The following HEG1 variants were observed in gnomAD, a reference collection of about 807,000 sequenced individuals.
HEG1 encodes the protein protein HEG homolog 1.
HEG1 carries 56 observed loss-of-function variants against 125.6 expected under a neutral mutation model. The ratio of observed to expected loss-of-function variants is 0.45; its 90% CI spans 0.36 to 0.56. The LOEUF (loss-of-function observed/expected upper bound fraction) is 0.56, where lower values mean the gene tolerates loss of function less well. Among genes scored for constraint, HEG1 ranks in the 20% least tolerant of loss-of-function variants. HEG1 has a pLI of 0.00. For synonymous variants in HEG1, 644 were observed against 668.5 expected, an observed-to-expected ratio of 0.96 and a Z score of 0.57; for missense variants, 1,523 against 1,670.0, an observed-to-expected ratio of 0.91 and a Z score of 1.53.
At chr3:125,002,106 C>G (rs1273251085) in intron 10 of HEG1, 94 bp from the exon 11 acceptor site, 1 of 1,539,308 alleles carries the variant, frequency 6.5e-7, no homozygotes, top group South Asian at 1.1e-5. Flanking sequence ...TCACCAGTGA[C>G]GGGATGGGAG....
intron 14 of HEG1, among the ~76,000 whole-genome samples, chr3:124,986,056 G>T (rs1173661887): frequency 6.6e-6 from 1 of 152,230 alleles, no homozygotes; most frequent in Non-Finnish European, 1.5e-5. Context: ...GGGATTACAG[G>T]CGTGAGCCAC....
chr3:124,976,958 T>C (rs145364535), intron 15 of HEG1, among the ~76,000 whole-genome samples: 4 of 152,300 alleles, frequency 2.6e-5, no homozygotes, highest in Admixed American at 2.6e-4. Flanking sequence ...CCCATTGATA[T>C]GGTTCGGCTA....
chr3:124,984,962 G>C (rs1029510383), intron 14 of HEG1, among the ~76,000 whole-genome samples: 1 of 152,294 alleles, frequency 6.6e-6, no homozygotes, highest in Non-Finnish European at 1.5e-5. Context: ...TTACGTAAGT[G>C]AAAACATTCC....
At chr3:124,983,123 C>T (rs778376863) in intron 14 of HEG1, among the ~76,000 whole-genome samples, 9 of 152,200 alleles carry the variant, frequency 5.9e-5, no homozygotes, top group Non-Finnish European at 1.2e-4. Context: ...ACTCCTGATG[C>T]CAGGATTCTT....
intron 1 of HEG1, among the ~76,000 whole-genome samples, chr3:125,034,432 AT>A (rs1183227636): frequency 1.8e-5 from 2 of 112,692 alleles, no homozygotes; most frequent in African/African-American, 6.0e-5. Flanking sequence ...AATTCTAGAA[AT>A]AAAAAAAGTA....
At chr3:124,990,715 G>A in intron 14 of HEG1, 72 bp downstream of exon 14, 1 of 1,398,232 alleles carries the variant, frequency 7.2e-7, no homozygotes, top group Non-Finnish European at 9.9e-7. Flanking sequence ...AGTGGGAGGA[G>A]ACTGACACCT....
At chr3:124,994,643 C>T (rs1936889351) in intron 12 of HEG1, among the ~76,000 whole-genome samples, 1 of 151,918 alleles carries the variant, frequency 6.6e-6, no homozygotes, top group African/African-American at 2.4e-5. Context: ...GTAGCTGGGA[C>T]TACAGGCATG....
chr3:124,981,946 A>G (rs62267132), intron 14 of HEG1, among the ~76,000 whole-genome samples: 36,466 of 151,558 alleles, frequency 0.24, 4,512 homozygotes, highest in East Asian at 0.36. Flanking sequence ...GGAGTCGCCC[A>G]GGCTGGAGTG....
At chr3:124,983,625 G>A (rs999556243) in intron 14 of HEG1, among the ~76,000 whole-genome samples, 8 of 151,720 alleles carry the variant, frequency 5.3e-5, no homozygotes, top group East Asian at 1.9e-4. Flanking sequence ...GTGAGCCACC[G>A]CACTCAGACA....
chr3:125,003,857 C>T (rs1479613704), intron 9 of HEG1, among the ~76,000 whole-genome samples: 1 of 152,240 alleles, frequency 6.6e-6, no homozygotes, highest in Non-Finnish European at 1.5e-5. Flanking sequence ...GCATCTCTTT[C>T]CTTGGCTGAT....
At chr3:125,022,870 T>A (rs1477016641) in intron 3 of HEG1, among the ~76,000 whole-genome samples, 1 of 152,172 alleles carries the variant, frequency 6.6e-6, no homozygotes, top group African/African-American at 2.4e-5. Flanking sequence ...GGATACTGCA[T>A]TAATTTCATC....
rs185344888 is a variant in HEG1 at position 124,965,849 on chromosome 3, T to C, written c.*4803A>G. ...CTGAATAATTAGTGGAGGTTGCAAT[T>C]ATAATACAACTTTAAATAACATTCT... On this transcript the variant is annotated 3_prime_UTR_variant, in exon 17 of 17. Coordinates refer to ENST00000311127, the MANE Select transcript of HEG1 (RefSeq NM_020733.2). 2.6e-5 allele frequency: 4 copies of C among 152,326 alleles called. No homozygotes were observed. Among genetic ancestry groups the C allele is most frequent in the African/African-American group, 9.6e-5 (4 of 41,576 alleles). The allele number at this position is 152,326 out of a possible 1,614,324, so 9.4% of individuals were successfully genotyped here.
intron 1 of HEG1, among the ~76,000 whole-genome samples, chr3:125,051,159 C>G (rs1307800535): frequency 6.6e-6 from 1 of 152,214 alleles, no homozygotes; most frequent in Admixed American, 6.5e-5. Context: ...TTTACAATCT[C>G]TATATAAAAT....
At chr3:125,001,604 C>T (rs1410748432) in intron 11 of HEG1, among the ~76,000 whole-genome samples, 2 of 152,166 alleles carry the variant, frequency 1.3e-5, no homozygotes, top group East Asian at 3.8e-4. Flanking sequence ...ACAGAAGGAG[C>T]TGCATGCCAA....
intron 3 of HEG1, among the ~76,000 whole-genome samples, chr3:125,024,213 C>G (rs1267367477): frequency 6.6e-6 from 1 of 152,204 alleles, no homozygotes; most frequent in African/African-American, 2.4e-5. Context: ...AAGGCATTTT[C>G]CATTATGATT....
chr3:125,020,717 C>A, intron 4 of HEG1, 75 bp downstream of exon 4: 1 of 1,253,100 alleles, frequency 8.0e-7, no homozygotes, highest in Non-Finnish European at 1.1e-6. Context: ...TACAAATGGT[C>A]TTGAAGAGGT....
intron 15 of HEG1, among the ~76,000 whole-genome samples, chr3:124,975,908 T>C (rs1325555904): frequency 6.6e-6 from 1 of 152,258 alleles, no homozygotes; most frequent in Non-Finnish European, 1.5e-5. Context: ...TATATCACAT[T>C]TTGTTTATCC....
Position 124,969,055 on chromosome 3 carries a change from T to C in HEG1, c.*1597A>G, listed in dbSNP as rs187045192. The C allele has an allele frequency of 3.9e-5, 6 of 152,236 alleles. No individual in the cohort carries two copies. The highest frequency in any genetic ancestry group is 3.9e-4 in the Admixed American group (6 of 15,280). 9.4% of individuals were successfully genotyped at this position (152,236 alleles called of 1,614,324 possible). The stretch of plus-strand genomic sequence containing the variant: ...CCAAGGATTATGTAAGAATAGGGAT[T>C]ATATTTAGAGGACCTTGAAGAAACA... On this transcript the variant is annotated 3_prime_UTR_variant, in exon 17 of 17. Coordinates refer to ENST00000311127, the MANE Select transcript of HEG1 (RefSeq NM_020733.2).
intron 14 of HEG1, among the ~76,000 whole-genome samples, chr3:124,985,847 G>A (rs1279632974): frequency 1.3e-5 from 2 of 152,162 alleles, no homozygotes; most frequent in Non-Finnish European, 2.9e-5. Context: ...GTGCGATCTC[G>A]GCTTACTGTA....
Sources: gnomAD v4.1 joint callset for allele counts (sites outside exome capture counted in the v4.1 genomes callset) on GRCh38, gnomAD v4.1.1 for gene constraint, MANE v1.5 for transcripts, NCBI Gene and HGNC (gene_info 2026-07-23, HGNC 2026-07-21) for gene names.